The following SIPA1L2 variants were observed in gnomAD, a reference collection of about 807,000 sequenced individuals.
The protein encoded by SIPA1L2 is signal-induced proliferation-associated 1-like protein 2.
In SIPA1L2, 56 loss-of-function variants were observed where a neutral mutation model predicts 163.9. The ratio of observed to expected loss-of-function variants is 0.34; its 90% CI spans 0.28 to 0.43. The LOEUF is 0.43. Among genes scored for constraint, SIPA1L2 ranks in the 20% least tolerant of loss-of-function variants. SIPA1L2 has a pLI of 1.00. For synonymous variants in SIPA1L2, 877 were observed against 865.7 expected (o/e 1.01, Z -0.23); for missense variants, 1,974 against 2,193.5 (o/e 0.90, Z 2.00).
chr1:232,464,565 C>T (rs1443168255), intron 9 of SIPA1L2, among the ~76,000 whole-genome samples: 1 of 152,150 alleles, frequency 6.6e-6, no homozygotes, highest in African/African-American at 2.4e-5. Flanking sequence ...TCTGTTTTTC[C>T]TTCAAATGCT....
chr1:232,470,473 C>A lies in SIPA1L2; in HGVS notation c.2243+898G>T, dbSNP rs190073463. On this transcript the variant is annotated intron_variant, in intron 8 of 22. Transcript: ENST00000674635. Reference sequence around the variant, plus strand: ...AAAATGGCAACTTCTCAAATACAGACTAATTTCTCTTGTGCCTTTAGGAAG... The same window carrying A: ...AAAATGGCAACTTCTCAAATACAGAATAATTTCTCTTGTGCCTTTAGGAAG... Among the ~76,000 whole-genome samples, 418 of 152,268 alleles carry A rather than the reference C, an allele frequency of 2.7e-3. 3 individuals carry two copies. The highest frequency in any genetic ancestry group is 9.7e-3 in the African/African-American group (402 of 41,552).
intron 1 of SIPA1L2, among the ~76,000 whole-genome samples, chr1:232,585,200 T>C (rs1660590811): frequency 6.6e-6 from 1 of 152,218 alleles, no homozygotes. Flanking sequence ...TTTGGGTAAT[T>C]TGCTGTATTC....
At chr1:232,527,057 A>C (rs1292160190) in intron 2 of SIPA1L2, among the ~76,000 whole-genome samples, 5 of 152,310 alleles carry the variant, frequency 3.3e-5, no homozygotes, top group African/African-American at 1.2e-4. Flanking sequence ...ACACGGACAG[A>C]CCAGCAGAAT....
At chr1:232,457,205 G>C (rs1663968782) in intron 10 of SIPA1L2, among the ~76,000 whole-genome samples, 1 of 152,118 alleles carries the variant, frequency 6.6e-6, no homozygotes. Context: ...AGCAGCTTCT[G>C]AGTCAAAACC....
At chr1:232,521,821 T>C (rs1279889262) in intron 2 of SIPA1L2, among the ~76,000 whole-genome samples, 1 of 152,210 alleles carries the variant, frequency 6.6e-6, no homozygotes, top group Non-Finnish European at 1.5e-5. Context: ...TCTCTTTTAA[T>C]TTTATACATT....
chr1:232,499,119 C>A (rs553629032), intron 3 of SIPA1L2, among the ~76,000 whole-genome samples: 2 of 152,248 alleles, frequency 1.3e-5, no homozygotes, highest in East Asian at 1.9e-4. Context: ...CCTGGAGACA[C>A]AGTAACATTG....
intron 1 of SIPA1L2, among the ~76,000 whole-genome samples, chr1:232,603,266 G>A (rs772254659): frequency 1.1e-4 from 16 of 152,324 alleles, no homozygotes; most frequent in East Asian, 3.9e-4. Flanking sequence ...CAAGGAAGAC[G>A]ACTAGGGACA....
intron 16 of SIPA1L2, among the ~76,000 whole-genome samples, chr1:232,430,763 C>A (rs374080682): frequency 6.6e-6 from 1 of 152,232 alleles, no homozygotes; most frequent in East Asian, 1.9e-4. Context: ...CAAATCCTCC[C>A]GATAAAATGC....
chr1:232,504,363 C>T (rs190621351), intron 3 of SIPA1L2, among the ~76,000 whole-genome samples: 6 of 152,164 alleles, frequency 3.9e-5, no homozygotes, highest in South Asian at 2.1e-4. Flanking sequence ...ACATGGCGAA[C>T]CCCATCTCTA....
At chr1:232,480,908 C>T (rs1665317508) in intron 6 of SIPA1L2, among the ~76,000 whole-genome samples, 1 of 152,070 alleles carries the variant, frequency 6.6e-6, no homozygotes, top group Admixed American at 6.6e-5. Context: ...TGTAGTATGT[C>T]TTTCTAATAT....
At chr1:232,560,548 T>A (rs921217752) in intron 2 of SIPA1L2, among the ~76,000 whole-genome samples, 1 of 152,198 alleles carries the variant, frequency 6.6e-6, no homozygotes, top group Non-Finnish European at 1.5e-5. Context: ...TTAATCCTCA[T>A]GGGAAGGAAA....
chr1:232,588,021 G>T (rs1357596058), intron 1 of SIPA1L2, among the ~76,000 whole-genome samples: 1 of 152,156 alleles, frequency 6.6e-6, no homozygotes, highest in Non-Finnish European at 1.5e-5. Flanking sequence ...CCAGTCTCGG[G>T]TATGTCTTTA....
At chr1:232,431,998 G>T (rs1470652049) in intron 16 of SIPA1L2, among the ~76,000 whole-genome samples, 2 of 152,190 alleles carry the variant, frequency 1.3e-5, no homozygotes, top group East Asian at 3.9e-4. Flanking sequence ...ATGTTACCAT[G>T]ACTTTTCTAT....
In SIPA1L2 at chr1:232,616,788, G is replaced by A. The variant is rs540525123; in HGVS notation, c.-319+13081C>T. On this transcript the variant is annotated intron_variant, in intron 1 of 22. Coordinates refer to ENST00000674635, the MANE Select transcript of SIPA1L2 (RefSeq NM_020808.5). ...GCAAAACCACCATTAACCCGGTACA[G>A]CTGATGAAAACGTTTTAGTACTTTC... 1.6e-4 allele frequency among the ~76,000 whole-genome samples: 25 copies of A among 152,336 alleles called. No homozygotes were observed. The South Asian group carries it at 5.2e-3, about 32-fold the overall frequency.
At chr1:232,585,165 A>T (rs1172110814) in intron 1 of SIPA1L2, among the ~76,000 whole-genome samples, 1 of 152,248 alleles carries the variant, frequency 6.6e-6, no homozygotes, top group African/African-American at 2.4e-5. Context: ...AAATGTAATA[A>T]AAGTGAATAA....
intron 10 of SIPA1L2, among the ~76,000 whole-genome samples, chr1:232,455,282 G>A (rs1168709043): frequency 6.6e-6 from 1 of 152,110 alleles, no homozygotes; most frequent in Non-Finnish European, 1.5e-5. Flanking sequence ...GTTGGAACTC[G>A]AATATAAAAA....
chr1:232,590,520 A>G (rs1660903972), intron 1 of SIPA1L2, among the ~76,000 whole-genome samples: 2 of 152,214 alleles, frequency 1.3e-5, no homozygotes, highest in African/African-American at 4.8e-5. Flanking sequence ...TGGAAAGCAG[A>G]GGGTATGGAG....
chr1:232,490,437 C>T (rs1665867417), intron 5 of SIPA1L2, among the ~76,000 whole-genome samples: 1 of 152,114 alleles, frequency 6.6e-6, no homozygotes, highest in Admixed American at 6.6e-5. Flanking sequence ...CCTCATAGGC[C>T]AGGGACTAGG....
intron 1 of SIPA1L2, among the ~76,000 whole-genome samples, chr1:232,598,791 T>C (rs910489763): frequency 1.3e-5 from 2 of 152,060 alleles, no homozygotes; most frequent in African/African-American, 4.8e-5. Flanking sequence ...GTCAATACTA[T>C]CACCTTGGAA....
Sources: allele counts gnomAD v4.1 joint callset (sites outside exome capture counted in the v4.1 genomes callset), GRCh38; gene constraint gnomAD v4.1.1; transcripts MANE v1.5; gene names NCBI Gene and HGNC (gene_info 2026-07-23, HGNC 2026-07-21).